Variants in POLR3A observed in about 807,000 individuals in gnomAD.
POLR3A encodes the protein DNA-directed RNA polymerase III subunit RPC1.
Under a neutral mutation model 152.8 loss-of-function variants are expected in POLR3A, and 112 were observed. That is an observed-to-expected ratio of 0.73 (90% CI 0.63 to 0.86). POLR3A has a LOEUF of 0.86. Ranked by LOEUF, POLR3A falls within the 40% of genes least tolerant of loss-of-function variation. The probability of loss-of-function intolerance (pLI) is 0.00; values close to 1 mark genes in which losing one functional copy is unlikely to be tolerated. For synonymous variants in POLR3A, 615 were observed against 652.1 expected (o/e 0.94, Z 0.87); for missense variants, 1,385 against 1,743.1 (o/e 0.79, Z 3.66).
intron 13 of POLR3A, 78 bp downstream of exon 13, chr10:78,009,786 G>A (rs45439493): frequency 4.6e-5 from 74 of 1,606,604 alleles, no homozygotes; most frequent in Non-Finnish European, 5.8e-5. Flanking sequence ...GCACCAACAC[G>A]GTTCCACTCA....
chr10:77,985,875 C>T (rs747316443), intron 23 of POLR3A, 28 bp downstream of exon 23: 44 of 1,553,588 alleles, frequency 2.8e-5, no homozygotes, highest in South Asian at 1.4e-4. Flanking sequence ...TGTGGATGAC[C>T]GTCAGTCCAA....
intron 28 of POLR3A, 45 bp downstream of exon 28, chr10:77,982,109 G>A: frequency 6.7e-7 from 1 of 1,495,268 alleles, no homozygotes; most frequent in Admixed American, 1.7e-5. Flanking sequence ...GATGGCACAA[G>A]GAAGACAGCC....
intron 11 of POLR3A, chr10:78,013,221 A>T: frequency 3.6e-6 from 1 of 280,344 alleles, no homozygotes; most frequent in Non-Finnish European, 6.9e-6. Flanking sequence ...GTTTCCATTC[A>T]GAATGTTCAA....
rs1307317576 is a variant in POLR3A at position 77,985,925 on chromosome 10, T to A, written c.3049A>T (p.Thr1017Ser). Reference sequence around the variant, plus strand: ...TACCTCATGTACTTGTCCCTACAGGTCTCCAGAAACTTTTCTACTTGGGTG... The same window carrying A: ...TACCTCATGTACTTGTCCCTACAGGACTCCAGAAACTTTTCTACTTGGGTG... ...TPTQVEKFLE[T>S]CRDKYMRAQM... Residue 1017 changes from threonine (T) to serine (S), a missense_variant, in exon 23 of 31, where the codon ACC (threonine) becomes TCC (serine). Physicochemically the swap from Thr to Ser is moderately conservative, Grantham distance 58. This residue lies in a region of POLR3A where 178 missense variants were observed against 204.6 expected (regional missense o/e 0.87). Transcript: ENST00000372371. The A allele has an allele frequency of 6.2e-7, 1 of 1,613,844 alleles. No homozygotes were observed. Among genetic ancestry groups the A allele is most frequent in the Admixed American group, 1.7e-5 (1 of 60,008 alleles).
chr10:77,982,690 TA>T lies in POLR3A; in HGVS notation c.3556del (p.Tyr1186ThrfsTer7). On this transcript the variant is annotated frameshift_variant, in exon 27 of 31. Transcript: ENST00000372371. LOFTEE classifies it high-confidence loss of function. The part of the protein sequence containing the change: ...TPRENSKSSM[Y>X]YVLQFLKEDL... ...CTCTTTCAGGAACTGCAGCACGTAG[TA>T]CATGGAGCTCTTGCTGTTCTCTCTG... 6.2e-7 allele frequency: 1 copy of T among 1,613,802 alleles called. No individual in the cohort carries two copies. The highest frequency in any genetic ancestry group is 2.2e-5 in the East Asian group (1 of 44,864).
At chr10:77,996,526 A>T (rs1847302264) in intron 19 of POLR3A, among the ~76,000 whole-genome samples, 1 of 152,234 alleles carries the variant, frequency 6.6e-6, no homozygotes, top group African/African-American at 2.4e-5. Flanking sequence ...AGAGAATACT[A>T]TAAATACCTC....
chr10:77,989,457 C>T (rs898369759), intron 21 of POLR3A, among the ~76,000 whole-genome samples: 6 of 152,156 alleles, frequency 3.9e-5, no homozygotes, highest in South Asian at 2.1e-4. Flanking sequence ...TGTGAGCTGC[C>T]GGTGGCAAGG....
chr10:78,028,749 C>G (rs765787283), intron 1 of POLR3A, among the ~76,000 whole-genome samples: 2 of 152,030 alleles, frequency 1.3e-5, no homozygotes, highest in Non-Finnish European at 2.9e-5. Flanking sequence ...GAGATTCACC[C>G]GCTTCGGCCT....
chr10:78,017,270 CA>C (rs969772486), intron 10 of POLR3A, among the ~76,000 whole-genome samples: 21 of 151,526 alleles, frequency 1.4e-4, no homozygotes, highest in Non-Finnish European at 2.5e-4. Flanking sequence ...AACCAAAAAC[CA>C]AAAACAAAAA....
intron 30 of POLR3A, among the ~76,000 whole-genome samples, chr10:77,978,517 G>C (rs1847110274): frequency 6.6e-6 from 1 of 152,150 alleles, no homozygotes; most frequent in Admixed American, 6.5e-5. Context: ...CCGGTTTCCA[G>C]GTGTCAGGCT....
chr10:78,007,803 C>G lies in POLR3A; in HGVS notation c.1973G>C (p.Gly658Ala). 6.2e-7 allele frequency: 1 copy of G among 1,613,900 alleles called. No homozygotes were observed. The highest frequency in any genetic ancestry group is 8.5e-7 in the Non-Finnish European group (1 of 1,179,808). The change falls in exon 15 of 31, where the codon GGA becomes GCA. Residue 658 changes from glycine to alanine, a missense_variant. By Grantham distance (60) the Gly-to-Ala change is moderately conservative. This residue lies in a region of POLR3A where 188 missense variants were observed against 179.9 expected (regional missense o/e 1.04). Transcript: ENST00000372371. ...AATGTAAAAAATATTGTTCTTGGAT[C>G]CTGACCCTAGGGTTCCTTTGTCCAT... is the stretch of plus-strand genomic sequence containing the variant. ...GSMDKGTLGS[G>A]SKNNIFYILL... is the part of the protein sequence containing the mutation.
At chr10:78,012,127 G>T (rs1323980683) in intron 11 of POLR3A, among the ~76,000 whole-genome samples, 1 of 152,188 alleles carries the variant, frequency 6.6e-6, no homozygotes, top group East Asian at 1.9e-4. Context: ...CATCTGGGGA[G>T]GCCGAATCGG....
chr10:78,001,116 G>T, intron 17 of POLR3A, 22 bp from the exon 18 acceptor site: 1 of 1,290,074 alleles, frequency 7.8e-7, no homozygotes, highest in Non-Finnish European at 1.1e-6. Context: ...GACCAGAAAT[G>T]TAACATTCAT....
In POLR3A at chr10:77,986,136, C is replaced by T. The variant is rs200925561; in HGVS notation, c.2925G>A (p.Gly975=). 6.3e-7 allele frequency: 1 copy of T among 1,575,062 alleles called. No individual in the cohort carries two copies. The highest frequency in any genetic ancestry group is 8.7e-7 in the Non-Finnish European group (1 of 1,144,508). The change falls in exon 22 of 31, where the codon GGG becomes GGA. Residue 975 remains glycine (G), a synonymous_variant. Coordinates refer to ENST00000372371, the MANE Select transcript of POLR3A (RefSeq NM_007055.4). ...FLQEIKKFIK[G]VSEKIKKTRD... The stretch of plus-strand genomic sequence containing the variant: ...TGGTTTTCTTGATCTTCTCAGAGAC[C>T]CCCTTAATGAATTTTTTTATTTCCT...
intron 8 of POLR3A, 132 bp from the exon 9 acceptor site, chr10:78,019,397 C>T (rs774687193): frequency 2.8e-6 from 2 of 705,614 alleles, no homozygotes; most frequent in Non-Finnish European, 5.1e-6. Context: ...GGGCAGCCTG[C>T]TGCCTATGGT....
intron 27 of POLR3A, 94 bp from the exon 28 acceptor site, chr10:77,982,412 G>T: frequency 8.2e-7 from 1 of 1,217,920 alleles, no homozygotes; most frequent in Non-Finnish European, 1.2e-6. Context: ...GTGGTCATCT[G>T]TTAACACACT....
intron 13 of POLR3A, 46 bp from the exon 14 acceptor site, chr10:78,009,721 T>C (rs1847446579): frequency 1.9e-6 from 3 of 1,613,982 alleles, no homozygotes; most frequent in African/African-American, 2.7e-5. Flanking sequence ...GAGCCTGGTC[T>C]CAATCCCCCT....
chr10:78,017,446 CAA>C (rs57076507), intron 10 of POLR3A, 127 bp downstream of exon 10: 3,768 of 740,750 alleles, frequency 5.1e-3, no homozygotes, highest in Non-Finnish European at 5.6e-3. Context: ...GAGCCTGTCT[CAA>C]AAAAAAAAAA....
intron 19 of POLR3A, among the ~76,000 whole-genome samples, chr10:77,994,658 A>G (rs183010543): frequency 1.2e-4 from 18 of 152,322 alleles, no homozygotes; most frequent in African/African-American, 3.6e-4. Context: ...ATATGGGACT[A>G]TGTGAAAAGA....
Sources: allele counts gnomAD v4.1 joint callset (sites outside exome capture counted in the v4.1 genomes callset), GRCh38; gene constraint gnomAD v4.1.1; regional missense constraint gnomAD v4.1.1; transcripts MANE v1.5; gene names NCBI Gene and HGNC (gene_info 2026-07-23, HGNC 2026-07-21).